Variants in SUGCT observed in about 807,000 individuals in gnomAD.
SUGCT encodes the protein succinyl-CoA:glutarate CoA-transferase.
A neutral mutation model predicts 55.0 loss-of-function variants in SUGCT; 41 were observed. The ratio of observed to expected loss-of-function variants is 0.74; its 90% CI spans 0.58 to 0.97. SUGCT has a LOEUF of 0.97. Among genes scored for constraint, SUGCT ranks in the 50% least tolerant of loss-of-function variants. The probability of loss-of-function intolerance (pLI) is 0.00; values close to 1 mark genes in which losing one functional copy is unlikely to be tolerated. For missense variants in SUGCT, 568 were observed against 547.8 expected (o/e 1.04, Z -0.37); for synonymous variants, 187 against 200.4 (o/e 0.93, Z 0.56).
At chr7:40,379,144 A>G (rs767110809) in intron 9 of SUGCT, among the ~76,000 whole-genome samples, 112 of 152,208 alleles carry the variant, frequency 7.4e-4, no homozygotes, top group Admixed American at 1.5e-3. Context: ...GGCAGCTACC[A>G]GAAGGTAGAA....
chr7:40,181,339 T>C (rs1448015547), intron 2 of SUGCT, among the ~76,000 whole-genome samples: 1 of 152,184 alleles, frequency 6.6e-6, no homozygotes. Flanking sequence ...AATATATCGA[T>C]GTCACATAAT....
chr7:40,318,600 C>A (rs772265651), intron 9 of SUGCT, among the ~76,000 whole-genome samples: 11 of 152,190 alleles, frequency 7.2e-5, no homozygotes, highest in Non-Finnish European at 1.5e-4. Flanking sequence ...CCACGCCTGG[C>A]TAATTTTTGT....
the SUGCT span, among the ~76,000 whole-genome samples, chr7:40,943,305 G>C: frequency 1.3e-5 from 2 of 149,674 alleles, no homozygotes; most frequent in African/African-American, 2.5e-5. Flanking sequence ...TATACTTTAA[G>C]TTTTAGGGTA....
At chr7:40,904,690 T>C in the SUGCT span, among the ~76,000 whole-genome samples, 1 of 152,190 alleles carries the variant, frequency 6.6e-6, no homozygotes, top group Admixed American at 6.5e-5. Context: ...TGATACATGT[T>C]AAGTATATTT....
chr7:40,414,491 C>A (rs980653018), intron 9 of SUGCT, among the ~76,000 whole-genome samples: 1 of 152,168 alleles, frequency 6.6e-6, no homozygotes, highest in Non-Finnish European at 1.5e-5. Context: ...GGGGACTACT[C>A]TGATTGCTAG....
intron 9 of SUGCT, among the ~76,000 whole-genome samples, chr7:40,325,906 TTTGTTTG>T (rs996811643): frequency 2.8e-5 from 4 of 142,332 alleles, no homozygotes; most frequent in South Asian, 2.4e-4. Context: ...GTCTTTTTTT[TTTGTTTG>T]TTTTTGGCAG....
intron 8 of SUGCT, among the ~76,000 whole-genome samples, chr7:40,276,837 G>C (rs987207866): frequency 4.0e-5 from 6 of 150,206 alleles, no homozygotes; most frequent in African/African-American, 1.5e-4. Context: ...GTCTGTCTGT[G>C]TCTGTGTCTA....
the SUGCT span, among the ~76,000 whole-genome samples, chr7:40,994,445 T>C: frequency 6.6e-6 from 1 of 152,160 alleles, no homozygotes; most frequent in Admixed American, 6.5e-5. Context: ...ATTGCTGTTT[T>C]CTAACTCCTT....
intron 9 of SUGCT, among the ~76,000 whole-genome samples, chr7:40,329,579 C>G (rs1796202079): frequency 6.6e-6 from 1 of 152,188 alleles, no homozygotes; most frequent in Non-Finnish European, 1.5e-5. Flanking sequence ...GCGAAATGCT[C>G]TGGGTCCTAG....
intron 9 of SUGCT, among the ~76,000 whole-genome samples, chr7:40,317,584 T>C (rs1310514835): frequency 6.6e-6 from 1 of 152,186 alleles, no homozygotes; most frequent in South Asian, 2.1e-4. Context: ...TCACAATCAA[T>C]GGAAGCACAT....
chr7:40,583,652 G>A (rs1242901875), intron 12 of SUGCT, among the ~76,000 whole-genome samples: 1 of 152,044 alleles, frequency 6.6e-6, no homozygotes, highest in Non-Finnish European at 1.5e-5. Flanking sequence ...TACCACATAT[G>A]CATAAATTGG....
At chr7:40,311,778 A>G (rs1795170312) in intron 8 of SUGCT, among the ~76,000 whole-genome samples, 1 of 152,198 alleles carries the variant, frequency 6.6e-6, no homozygotes, top group African/African-American at 2.4e-5. Flanking sequence ...ACCTAGAGTA[A>G]AGCCTTACAC....
intron 11 of SUGCT, among the ~76,000 whole-genome samples, chr7:40,466,313 T>C (rs373463641): frequency 7.2e-5 from 11 of 152,356 alleles, no homozygotes; most frequent in African/African-American, 2.6e-4. Context: ...CTACTTTTAA[T>C]GTGGCCTAAT....
chr7:40,309,323 G>A (rs936493347), intron 8 of SUGCT, among the ~76,000 whole-genome samples: 17 of 151,316 alleles, frequency 1.1e-4, no homozygotes, highest in Admixed American at 1.3e-4. Context: ...TTGTTTTTGA[G>A]ACGGAGTCTC....
At chr7:40,512,331 C>T (rs1234989579) in intron 12 of SUGCT, among the ~76,000 whole-genome samples, 1 of 152,082 alleles carries the variant, frequency 6.6e-6, no homozygotes, top group East Asian at 1.9e-4. Context: ...TATACATATC[C>T]CAGAGCTCCA....
downstream of SUGCT, among the ~76,000 whole-genome samples, chr7:40,864,068 G>T (rs1319533465): frequency 6.6e-6 from 1 of 152,118 alleles, no homozygotes; most frequent in Non-Finnish European, 1.5e-5. Context: ...CAAAACTAGG[G>T]TTAAATGTTT....
At chr7:40,466,787 C>G (rs1005488526) in intron 11 of SUGCT, among the ~76,000 whole-genome samples, 1 of 152,110 alleles carries the variant, frequency 6.6e-6, no homozygotes, top group Non-Finnish European at 1.5e-5. Flanking sequence ...GAACCTGTAT[C>G]GTGGTCATAC....
chr7:40,987,930 C>T, the SUGCT span, among the ~76,000 whole-genome samples: 1 of 152,042 alleles, frequency 6.6e-6, no homozygotes, highest in African/African-American at 2.4e-5. Flanking sequence ...GATCGATACA[C>T]TGTGAAACTT....
At chr7:40,950,252 CTGTT>C in the SUGCT span, among the ~76,000 whole-genome samples, 5 of 152,176 alleles carry the variant, frequency 3.3e-5, no homozygotes, top group African/African-American at 4.8e-5. Context: ...ATTTGGCTCT[CTGTT>C]TGTCTGTTAT....
Sources: gnomAD v4.1 joint callset for allele counts (sites outside exome capture counted in the v4.1 genomes callset) on GRCh38, gnomAD v4.1.1 for gene constraint, MANE v1.5 for transcripts, NCBI Gene and HGNC (gene_info 2026-07-23, HGNC 2026-07-21) for gene names.